The following ALDH7A1 variants were observed in gnomAD, a reference collection of about 807,000 sequenced individuals.
ALDH7A1 encodes aldehyde dehydrogenase 7 family member A1, also known as alpha-aminoadipic semialdehyde dehydrogenase.
ALDH7A1 carries 63 observed loss-of-function variants against 79.9 expected under a neutral mutation model. The observed-to-expected ratio is 0.79, with a 90% CI of 0.64 to 0.97. The LOEUF is 0.97. ALDH7A1 is among the 50% of genes least tolerant of loss of function. The pLI, the probability that ALDH7A1 is intolerant of heterozygous loss-of-function variation, is 0.00. For synonymous variants in ALDH7A1, 240 were observed against 231.2 expected (o/e 1.04, Z -0.34); for missense variants, 627 against 665.2 (o/e 0.94, Z 0.63).
chr5:126,563,019 T>C (rs1485084150), intron 9 of ALDH7A1, among the ~76,000 whole-genome samples: 3 of 151,900 alleles, frequency 2.0e-5, no homozygotes, highest in African/African-American at 7.3e-5. Context: ...GGGTATGGAG[T>C]TTCAGTTTTA....
Position 126,595,164 on chromosome 5 carries a change from G to A in ALDH7A1, c.35C>T (p.Ala12Val), listed in dbSNP as rs1465540247. 1.9e-6 allele frequency: 3 copies of A among 1,555,202 alleles called. No individual in the cohort carries two copies. Among genetic ancestry groups the A allele is most frequent in the Non-Finnish European group, 2.6e-6 (3 of 1,148,836 alleles). Reference protein sequence around the residue: ...WRLPRALCVHAAKTSKLSGPW... With the variant: ...WRLPRALCVHVAKTSKLSGPW... ...TCCAGAGAGCTTGCTGGTCTTTGCAGCGTGCACACACAGCGCGCGAGGAAG... is the reference window on the plus strand; with the variant it reads ...TCCAGAGAGCTTGCTGGTCTTTGCAACGTGCACACACAGCGCGCGAGGAAG... Residue 12 changes from alanine (A) to valine (V), a missense_variant, in exon 1 of 18, where the codon GCT becomes GTT. Coordinates refer to ENST00000409134, the MANE Select transcript of ALDH7A1 (RefSeq NM_001182.5).
At position 126,543,523 on chromosome 5, in the gene ALDH7A1, T is replaced by C. The variant is rs1749682647; in HGVS notation, c.*1442A>G. 6.6e-6 allele frequency: 1 copy of C among 152,234 alleles called. No individual in the cohort carries two copies. The highest frequency in any genetic ancestry group is 1.5e-5 in the Non-Finnish European group (1 of 68,042). The allele number at this position is 152,234 out of a possible 1,614,324, so 9.4% of individuals were successfully genotyped here. ...CCATGGGACATATTATGAATACCTT[T>C]GCTTCCCAGATACATTTATAATTGT... On this transcript the variant is annotated 3_prime_UTR_variant, in exon 18 of 18. Coordinates refer to ENST00000409134, the MANE Select transcript of ALDH7A1 (RefSeq NM_001182.5).
chr5:126,550,460 A>C (rs1749956072), intron 14 of ALDH7A1, among the ~76,000 whole-genome samples, 167 bp from the exon 15 acceptor site: 1 of 146,084 alleles, frequency 6.8e-6, no homozygotes, highest in Non-Finnish European at 1.6e-5. Flanking sequence ...GATCATTGAT[A>C]ATAAGTAAAA....
At chr5:126,558,493 G>T (rs890991725) in intron 11 of ALDH7A1, among the ~76,000 whole-genome samples, 1 of 152,064 alleles carries the variant, frequency 6.6e-6, no homozygotes, top group Admixed American at 6.6e-5. Flanking sequence ...TCTAATTCTA[G>T]ACTTGAGGCT....
intron 9 of ALDH7A1, among the ~76,000 whole-genome samples, chr5:126,565,983 T>C (rs893596463): frequency 2.6e-5 from 4 of 152,378 alleles, no homozygotes; most frequent in South Asian, 2.1e-4. Flanking sequence ...TTGATTATCA[T>C]AGTTTTGCCG....
At chr5:126,580,952 G>A (rs1028382762) in intron 5 of ALDH7A1, among the ~76,000 whole-genome samples, 1 of 151,940 alleles carries the variant, frequency 6.6e-6, no homozygotes, top group South Asian at 2.1e-4. Context: ...AGCCTCCCGA[G>A]TAGCTGGGAT....
At chr5:126,570,177 G>A (rs1479179254) in intron 8 of ALDH7A1, 2 of 153,132 alleles carry the variant, frequency 1.3e-5, no homozygotes, top group Non-Finnish European at 2.9e-5. Flanking sequence ...AGTGGGTATG[G>A]GATTAATTTC....
chr5:126,562,656 T>A (rs75829008), intron 9 of ALDH7A1, among the ~76,000 whole-genome samples: 2 of 152,058 alleles, frequency 1.3e-5, no homozygotes, highest in South Asian at 2.1e-4. Flanking sequence ...AAGACCATCC[T>A]GGCCAACATG....
At chr5:126,583,483 AAAAT>A (rs551771301) in intron 4 of ALDH7A1, among the ~76,000 whole-genome samples, 3 of 151,176 alleles carry the variant, frequency 2.0e-5, no homozygotes, top group African/African-American at 2.4e-5. Flanking sequence ...CTCCATCTCA[AAAAT>A]AAATAAATAA....
At chr5:126,571,134 A>G (rs893408762) in intron 7 of ALDH7A1, 2 of 344,020 alleles carry the variant, frequency 5.8e-6, no homozygotes, top group African/African-American at 4.4e-5. Context: ...TGCCGTTTTC[A>G]AAAAACTATT....
intron 5 of ALDH7A1, 55 bp downstream of exon 5, chr5:126,582,796 T>C: frequency 1.2e-6 from 2 of 1,606,054 alleles, no homozygotes; most frequent in Non-Finnish European, 8.5e-7. Flanking sequence ...TTTATTTTTT[T>C]TGGAGCTCTG....
intron 3 of ALDH7A1, among the ~76,000 whole-genome samples, chr5:126,591,683 G>A (rs1561672025): frequency 1.3e-5 from 2 of 152,096 alleles, no homozygotes; most frequent in South Asian, 2.1e-4. Flanking sequence ...GAGGATGGGG[G>A]TAGTGGAAAG....
chr5:126,594,807 T>C (rs1481567216), intron 1 of ALDH7A1, among the ~76,000 whole-genome samples, 200 bp downstream of exon 1: 1 of 152,148 alleles, frequency 6.6e-6, no homozygotes, highest in East Asian at 1.9e-4. Context: ...ATGACGTCGA[T>C]TCTGCATAGC....
In ALDH7A1 at chr5:126,585,339, C is replaced by G. The variant is rs147942175; in HGVS notation, c.313-1327G>C. Among the ~76,000 whole-genome samples the G allele has an allele frequency of 5.4e-4, 82 of 152,178 alleles. 1 individual carries two copies. Among genetic ancestry groups the G allele is most frequent in the Admixed American group, 9.8e-4 (15 of 15,256 alleles). ...GTACAGGTAAAAGGAACATTCCCCT[C>G]CATGAAACCTTCCCCCAGGCAGAAG... On this transcript the variant is annotated intron_variant, in intron 3 of 17. Coordinates refer to ENST00000409134, the MANE Select transcript of ALDH7A1 (RefSeq NM_001182.5).
At chr5:126,594,936 T>C in intron 1 of ALDH7A1, 71 bp downstream of exon 1, 1 of 1,542,162 alleles carries the variant, frequency 6.5e-7, no homozygotes, top group Non-Finnish European at 8.8e-7. Flanking sequence ...GGGGAGTCGG[T>C]AGGTCAGTGC....
intron 3 of ALDH7A1, among the ~76,000 whole-genome samples, chr5:126,590,138 AG>A (rs1561671271): frequency 6.7e-6 from 1 of 149,492 alleles, no homozygotes; most frequent in East Asian, 2.0e-4. Flanking sequence ...GAAAGTGAAG[AG>A]CGCCTCTGCC....
intron 3 of ALDH7A1, chr5:126,584,390 G>A (rs1172691288): frequency 3.5e-6 from 1 of 287,544 alleles, no homozygotes. Context: ...GGCTGGGCGT[G>A]GTGGCTCACA....
chr5:126,571,078 C>T lies in ALDH7A1; in HGVS notation c.696-219G>A, dbSNP rs1750754072. On this transcript the variant is annotated intron_variant, in intron 7 of 17. Coordinates refer to ENST00000409134, the MANE Select transcript of ALDH7A1 (RefSeq NM_001182.5). ...CCCTCTTATACCAGACTCTGTCCTT[C>T]TGTCCTCAAACATTCAGACCTGGAT... 11 of 492,134 alleles carry T rather than the reference C, an allele frequency of 2.2e-5. No individual in the cohort carries two copies. The South Asian group carries it at 2.3e-4, about 10-fold the overall frequency. The allele number at this position is 492,134 out of a possible 1,614,324, so 30.5% of individuals were successfully genotyped here.
At chr5:126,556,761 T>C (rs535939616) in intron 11 of ALDH7A1, among the ~76,000 whole-genome samples, 8 of 152,176 alleles carry the variant, frequency 5.3e-5, no homozygotes, top group Non-Finnish European at 1.0e-4. Context: ...GGACAACCCT[T>C]GCATTCTCTG....
Sources: allele counts gnomAD v4.1 joint callset (sites outside exome capture counted in the v4.1 genomes callset), GRCh38; gene constraint gnomAD v4.1.1; transcripts MANE v1.5; gene names NCBI Gene and HGNC (gene_info 2026-07-23, HGNC 2026-07-21).